The following FAM200B variants were observed in gnomAD, a reference collection of about 807,000 sequenced individuals.
The protein encoded by FAM200B is protein FAM200B.
In FAM200B, 32 loss-of-function variants were observed where a neutral mutation model predicts 33.1. That is an observed-to-expected ratio of 0.97 (90% confidence interval 0.73 to 1.30). FAM200B has a LOEUF of 1.30. Among genes scored for constraint, FAM200B ranks in the 50% most tolerant of loss-of-function variants. The pLI, the probability that FAM200B is intolerant of heterozygous loss-of-function variation, is 0.00. For missense variants in FAM200B, 741 were observed against 754.0 expected (o/e 0.98, Z 0.20); for synonymous variants, 240 against 264.8 (o/e 0.91, Z 0.91).
chr4:15,668,550 A>G, the FAM200B span, among the ~76,000 whole-genome samples: 1 of 152,128 alleles, frequency 6.6e-6, no homozygotes, highest in African/African-American at 2.4e-5. Flanking sequence ...CCAACATCGT[A>G]CAAGTCACAT....
intron 1 of FAM200B, chr4:15,685,069 G>T (rs746743992): frequency 2.0e-5 from 3 of 151,654 alleles, no homozygotes; most frequent in African/African-American, 4.8e-5. Context: ...GTATTAAAAG[G>T]TATAAAACCT....
At position 15,688,776 on chromosome 4, in the gene FAM200B, T is replaced by C; in HGVS notation, c.1799T>C (p.Leu600Pro). 1 of 1,551,084 alleles carries C rather than the reference T, an allele frequency of 6.4e-7. No homozygotes were observed. Among genetic ancestry groups the C allele is most frequent in the Non-Finnish European group, 8.7e-7 (1 of 1,146,570 alleles). Residue 600 changes from leucine (L) to proline (P), a missense_variant, in exon 2 of 2, where the codon CTG becomes CCG. Transcript: ENST00000422728. ...DFPLLSRKSV[L>P]LLLPFTTTSL... ...CCATTGTTAAGTAGAAAGAGTGTCC[T>C]GCTATTGCTACCATTCACAACAACT...
the FAM200B span, among the ~76,000 whole-genome samples, chr4:15,667,452 T>C: frequency 6.6e-6 from 1 of 152,142 alleles, no homozygotes; most frequent in Non-Finnish European, 1.5e-5. Flanking sequence ...AGCAAAATCA[T>C]ATATTATCTC....
the FAM200B span, among the ~76,000 whole-genome samples, chr4:15,647,238 A>AG: frequency 7.3e-6 from 1 of 137,478 alleles, no homozygotes; most frequent in Admixed American, 7.8e-5. Flanking sequence ...AAAAAAAAAA[A>AG]AAAAAGAAAG....
chr4:15,677,567 G>GTGATTAA, upstream of FAM200B, among the ~76,000 whole-genome samples: 1 of 152,096 alleles, frequency 6.6e-6, no homozygotes, highest in African/African-American at 2.4e-5. Context: ...TAAGTGACTA[G>GTGATTAA]TGATTAATGA....
the FAM200B span, among the ~76,000 whole-genome samples, chr4:15,673,810 T>A: frequency 1.1e-4 from 16 of 152,284 alleles, no homozygotes; most frequent in African/African-American, 3.6e-4. Context: ...CCAGGCTCTA[T>A]CAACAGAGGG....
chr4:15,670,913 ACTTTTTT>A, the FAM200B span, among the ~76,000 whole-genome samples: 3 of 98,030 alleles, frequency 3.1e-5, no homozygotes, highest in African/African-American at 1.2e-4. Flanking sequence ...CTGTGCGTAG[ACTTTTTT>A]TTTTTTTTTT....
chr4:15,655,883 G>T, the FAM200B span, among the ~76,000 whole-genome samples: 24 of 152,362 alleles, frequency 1.6e-4, no homozygotes, highest in African/African-American at 5.8e-4. Context: ...CAAAGGCCGG[G>T]CCTGGCTCCC....
At chr4:15,682,944 C>T (rs1196977463) in intron 1 of FAM200B, among the ~76,000 whole-genome samples, 1 of 152,168 alleles carries the variant, frequency 6.6e-6, no homozygotes, top group Non-Finnish European at 1.5e-5. Context: ...GAGGCTTAAG[C>T]TTAAAGGATA....
chr4:15,667,840 G>A, the FAM200B span, among the ~76,000 whole-genome samples: 5 of 152,150 alleles, frequency 3.3e-5, no homozygotes, highest in Admixed American at 6.5e-5. Flanking sequence ...TCAGGAGTTC[G>A]AGACTAGCCT....
the FAM200B span, chr4:15,644,635 T>A: frequency 6.2e-7 from 1 of 1,614,142 alleles, no homozygotes; most frequent in Non-Finnish European, 8.5e-7. Flanking sequence ...CATTTTGAAC[T>A]CCTTGAAAGT....
the FAM200B span, chr4:15,656,455 T>C: frequency 2.8e-6 from 1 of 354,058 alleles, no homozygotes; most frequent in Non-Finnish European, 5.6e-6. Context: ...TATGCTGTGT[T>C]CACCCTTGTT....
the FAM200B span, among the ~76,000 whole-genome samples, chr4:15,660,995 T>G: frequency 6.6e-6 from 1 of 151,808 alleles, no homozygotes; most frequent in Non-Finnish European, 1.5e-5. Context: ...GAGAATCACT[T>G]AAACCTGAGA....
chr4:15,658,931 G>C, the FAM200B span, among the ~76,000 whole-genome samples: 1 of 152,152 alleles, frequency 6.6e-6, no homozygotes, highest in Non-Finnish European at 1.5e-5. Flanking sequence ...TATGCAGCAG[G>C]AGCTTGAGAT....
the FAM200B span, among the ~76,000 whole-genome samples, chr4:15,663,614 T>C: frequency 6.6e-6 from 1 of 152,214 alleles, no homozygotes. Flanking sequence ...GAAATGGAAA[T>C]ACTACTACCT....
chr4:15,659,263 G>A, the FAM200B span, among the ~76,000 whole-genome samples: 1 of 152,148 alleles, frequency 6.6e-6, no homozygotes, highest in Non-Finnish European at 1.5e-5. Context: ...CTGCATGAAT[G>A]AGAATTTGAA....
the FAM200B span, among the ~76,000 whole-genome samples, chr4:15,638,864 A>G: frequency 6.6e-6 from 1 of 152,304 alleles, no homozygotes; most frequent in East Asian, 1.9e-4. Flanking sequence ...TGCAGAGAAG[A>G]GTACACCAAG....
At chr4:15,683,089 G>T (rs4333182) in intron 1 of FAM200B, among the ~76,000 whole-genome samples, 2 of 151,998 alleles carry the variant, frequency 1.3e-5, no homozygotes, top group East Asian at 3.9e-4. Context: ...GATTAGTGAC[G>T]GGGAATTTTA....
chr4:15,656,432 G>A, the FAM200B span: 1 of 382,400 alleles, frequency 2.6e-6, no homozygotes, highest in South Asian at 1.9e-5. Flanking sequence ...CCTCCAGGAG[G>A]GCAAGAACCA....
Sources: gnomAD v4.1 joint callset for allele counts (sites outside exome capture counted in the v4.1 genomes callset) on GRCh38, gnomAD v4.1.1 for gene constraint, MANE v1.5 for transcripts, NCBI Gene and HGNC (gene_info 2026-07-23, HGNC 2026-07-21) for gene names.